The following NGEF variants were observed in gnomAD, a reference collection of about 807,000 sequenced individuals.
NGEF encodes neuronal guanine nucleotide exchange factor.
A neutral mutation model predicts 80.9 loss-of-function variants in NGEF; 31 were observed. That is an observed-to-expected ratio of 0.38 (90% CI 0.29 to 0.52). The LOEUF is 0.52. NGEF is among the 20% of genes least tolerant of loss of function. NGEF has a pLI of 0.84. For missense variants in NGEF, 709 were observed against 926.2 expected, an observed-to-expected ratio of 0.77 and a Z score of 3.04; for synonymous variants, 371 against 370.2, an observed-to-expected ratio of 1.00 and a Z score of -0.03.
chr2:232,899,622 GCT>G (rs947941183), intron 5 of NGEF, among the ~76,000 whole-genome samples: 2 of 117,496 alleles, frequency 1.7e-5, no homozygotes, highest in Admixed American at 8.6e-5. Flanking sequence ...ACACACACAT[GCT>G]CTCACAGTCA....
chr2:232,950,482 C>T (rs1361238523), intron 3 of NGEF, among the ~76,000 whole-genome samples: 2 of 150,778 alleles, frequency 1.3e-5, no homozygotes, highest in Non-Finnish European at 2.9e-5. Context: ...TGCCCCTGGA[C>T]TGTGTGATGG....
intron 3 of NGEF, among the ~76,000 whole-genome samples, chr2:232,958,482 A>C (rs1693879527): frequency 6.6e-6 from 1 of 152,188 alleles, no homozygotes; most frequent in Non-Finnish European, 1.5e-5. Flanking sequence ...TTACTCATTC[A>C]TCAATCATTT....
At chr2:233,006,115 C>T (rs778615126) in intron 1 of NGEF, among the ~76,000 whole-genome samples, 16 of 152,218 alleles carry the variant, frequency 1.1e-4, no homozygotes, top group Non-Finnish European at 2.1e-4. Flanking sequence ...TGCGCCTGGC[C>T]TGCATTGTTT....
intron 1 of NGEF, among the ~76,000 whole-genome samples, chr2:232,980,129 C>A (rs1462204252): frequency 1.3e-5 from 2 of 152,110 alleles, no homozygotes; most frequent in African/African-American, 4.8e-5. Context: ...AGGATCAGAG[C>A]CAGGAGGGGG....
intron 3 of NGEF, among the ~76,000 whole-genome samples, chr2:232,966,105 C>T (rs1694053779): frequency 6.6e-6 from 1 of 151,866 alleles, no homozygotes; most frequent in Admixed American, 6.6e-5. Context: ...TGACTGTCTG[C>T]TTCTCCCTCT....
At chr2:232,880,677 C>T (rs972381040) in intron 14 of NGEF, among the ~76,000 whole-genome samples, 5 of 152,226 alleles carry the variant, frequency 3.3e-5, no homozygotes, top group African/African-American at 1.2e-4. Flanking sequence ...GTACTGATGA[C>T]AGCAGCAGGG....
At chr2:232,902,651 GAC>G (rs1350290516) in intron 5 of NGEF, among the ~76,000 whole-genome samples, 1 of 152,200 alleles carries the variant, frequency 6.6e-6, no homozygotes, top group Admixed American at 6.5e-5. Flanking sequence ...AATTTAAAAA[GAC>G]ACATGCTTGA....
At chr2:233,002,559 C>A (rs765258724) in intron 1 of NGEF, among the ~76,000 whole-genome samples, 5 of 152,104 alleles carry the variant, frequency 3.3e-5, no homozygotes, top group Admixed American at 6.5e-5. Flanking sequence ...CGCTTGTAGT[C>A]CCAGCTACTT....
At chr2:232,972,613 T>G (rs1694216264) in intron 2 of NGEF, among the ~76,000 whole-genome samples, 1 of 152,162 alleles carries the variant, frequency 6.6e-6, no homozygotes, top group African/African-American at 2.4e-5. Context: ...AGTTGTTTAT[T>G]TTTTGATCTG....
intron 8 of NGEF, among the ~76,000 whole-genome samples, chr2:232,890,610 A>G (rs1245879346): frequency 1.3e-5 from 2 of 151,804 alleles, no homozygotes; most frequent in South Asian, 2.1e-4. Flanking sequence ...CAACGGCTGC[A>G]CACCCCCAAA....
intron 1 of NGEF, among the ~76,000 whole-genome samples, chr2:232,993,200 A>C (rs986802094): frequency 7.4e-6 from 1 of 135,376 alleles, no homozygotes; most frequent in Non-Finnish European, 1.5e-5. Flanking sequence ...ATTTATTTAT[A>C]TATATATTTG....
chr2:232,948,979 T>C (rs192365133), intron 3 of NGEF, among the ~76,000 whole-genome samples: 122 of 152,076 alleles, frequency 8.0e-4, no homozygotes, highest in African/African-American at 2.8e-3. Context: ...GATCACGCCA[T>C]TGCACTCCAG....
chr2:232,985,568 T>C (rs1439385183), intron 1 of NGEF, among the ~76,000 whole-genome samples: 1 of 150,880 alleles, frequency 6.6e-6, no homozygotes, highest in Non-Finnish European at 1.5e-5. Flanking sequence ...CTGGCTAACA[T>C]GGTGAAACCC....
intron 1 of NGEF, among the ~76,000 whole-genome samples, chr2:233,010,415 A>G (rs560795071): frequency 7.9e-5 from 12 of 152,308 alleles, no homozygotes; most frequent in African/African-American, 2.9e-4. Flanking sequence ...TTTATAATAC[A>G]TCAAACCACA....
Position 232,920,547 on chromosome 2 carries a change from G to T in NGEF, c.565C>A (p.Gln189Lys). The change falls in exon 5 of 15, where the codon CAA becomes AAA. Residue 189 changes from glutamine (Q) to lysine (K), a missense_variant. This residue lies in a region of NGEF where 283 missense variants were observed against 303.4 expected (regional missense o/e 0.93). Coordinates refer to ENST00000264051, the MANE Select transcript of NGEF (RefSeq NM_019850.3). ...TGTTGCCTCCTGGTTTCGATTTCTT[G>T]GAGAGTCGATTTATCTCGGTATTCC... is the stretch of plus-strand genomic sequence containing the variant. ...YQEYRDKSTL[Q>K]EIETRRQQDA... 7.8e-6 allele frequency: 12 copies of T among 1,545,812 alleles called. No individual in the cohort carries two copies. Among genetic ancestry groups the T allele is most frequent in the Non-Finnish European group, 9.6e-6 (11 of 1,144,124 alleles).
intron 1 of NGEF, among the ~76,000 whole-genome samples, chr2:232,986,316 G>A (rs545185545): frequency 2.0e-4 from 31 of 152,290 alleles, no homozygotes; most frequent in African/African-American, 7.2e-4. Flanking sequence ...TCCTCAAGAG[G>A]TTAAAAATAG....
intron 1 of NGEF, among the ~76,000 whole-genome samples, chr2:232,980,880 G>A (rs918585949): frequency 3.3e-5 from 5 of 152,156 alleles, no homozygotes; most frequent in African/African-American, 9.7e-5. Context: ...CTCAGCAGGT[G>A]CATGAGGGAG....
intron 5 of NGEF, among the ~76,000 whole-genome samples, chr2:232,907,058 G>A (rs1265300073): frequency 2.6e-5 from 4 of 151,140 alleles, no homozygotes; most frequent in African/African-American, 7.3e-5. Flanking sequence ...TAGGAAAACC[G>A]GAGACCTTTG....
In NGEF at chr2:232,896,772, G is replaced by A. The variant is rs1253516461; in HGVS notation, c.829-1856C>T. 1.1e-3 allele frequency among the ~76,000 whole-genome samples: 97 copies of A among 89,508 alleles called. 1 individual carries two copies. Among genetic ancestry groups the A allele is most frequent in the Non-Finnish European group, 1.7e-3 (79 of 45,856 alleles). 58.7% of individuals were successfully genotyped at this position (89,508 alleles called of 152,430 possible). ...TAGGGGTGAGGGTGAGGTTAGGGGC[G>A]TGGGTGAAGGTAGGGGTGAGGGTGA... On this transcript the variant is annotated intron_variant, in intron 5 of 14. Coordinates refer to ENST00000264051, the MANE Select transcript of NGEF (RefSeq NM_019850.3).
Sources: gnomAD v4.1 joint callset for allele counts (sites outside exome capture counted in the v4.1 genomes callset) on GRCh38, gnomAD v4.1.1 for gene constraint, gnomAD v4.1.1 regional missense constraint, MANE v1.5 for transcripts, NCBI Gene and HGNC (gene_info 2026-07-23, HGNC 2026-07-21) for gene names.